Variants in PAK5 observed in about 807,000 individuals in gnomAD.
PAK5 encodes p21 (RAC1) activated kinase 5, also known as serine/threonine-protein kinase PAK 5.
In PAK5, 16 loss-of-function variants were observed where a neutral mutation model predicts 65.9. The ratio of observed to expected loss-of-function variants is 0.24; its 90% CI spans 0.16 to 0.37. The LOEUF (loss-of-function observed/expected upper bound fraction) is 0.37, where lower values mean the gene tolerates loss of function less well. Among genes scored for constraint, PAK5 ranks in the 10% least tolerant of loss-of-function variants. The probability of loss-of-function intolerance (pLI) is 1.00; values close to 1 mark genes in which losing one functional copy is unlikely to be tolerated. For synonymous variants in PAK5, 371 were observed against 354.9 expected (o/e 1.05, Z -0.51); for missense variants, 785 against 903.9 (o/e 0.87, Z 1.69).
chr20:9,768,208 A>C (rs1185217230), intron 1 of PAK5, among the ~76,000 whole-genome samples: 1 of 151,782 alleles, frequency 6.6e-6, no homozygotes, highest in Non-Finnish European at 1.5e-5. Context: ...TTTTAATCTA[A>C]TTTCAACTTT....
chr20:9,757,009 T>C (rs1478287694), intron 1 of PAK5, among the ~76,000 whole-genome samples: 2 of 152,196 alleles, frequency 1.3e-5, no homozygotes, highest in Non-Finnish European at 1.5e-5. Context: ...TTCAGGGGCA[T>C]GTTCTACAAT....
At chr20:9,556,262 C>T (rs915496178) in intron 7 of PAK5, among the ~76,000 whole-genome samples, 2 of 152,192 alleles carry the variant, frequency 1.3e-5, no homozygotes, top group African/African-American at 4.8e-5. Flanking sequence ...ATTGTGTATA[C>T]ATGTACATGG....
chr20:9,767,328 TC>T (rs2048779909), intron 1 of PAK5, among the ~76,000 whole-genome samples: 1 of 152,204 alleles, frequency 6.6e-6, no homozygotes, highest in East Asian at 1.9e-4. Flanking sequence ...GAACTTATCC[TC>T]ATCATTCTAT....
chr20:9,652,223 G>T (rs542810863), intron 2 of PAK5, among the ~76,000 whole-genome samples: 1 of 152,130 alleles, frequency 6.6e-6, no homozygotes, highest in Non-Finnish European at 1.5e-5. Context: ...TTACAGAGGG[G>T]ATGGCACCAA....
intron 7 of PAK5, among the ~76,000 whole-genome samples, chr20:9,553,076 C>T (rs189040512): frequency 1.5e-3 from 230 of 152,214 alleles, no homozygotes; most frequent in African/African-American, 5.1e-3. Flanking sequence ...TTGCAACGTG[C>T]ACCCGTCTCT....
In PAK5 at chr20:9,580,595, G is replaced by C. The variant is rs1370846061; in HGVS notation, c.540C>G (p.Ala180=). Residue 180 remains alanine (A), a synonymous_variant, in exon 4 of 10, where the codon GCC becomes GCG. Transcript: ENST00000353224. ...TCAAAGGCTTCACCTCAGAATAGTA[G>C]GCCTCCCCGTGCTTCATTTTCATTA... is the stretch of plus-strand genomic sequence containing the variant. ...GHVMKMKHGE[A]YYSEVKPLKS... 2 of 1,614,040 alleles carry C rather than the reference G, an allele frequency of 1.2e-6. 1 individual carries two copies.
intron 1 of PAK5, among the ~76,000 whole-genome samples, chr20:9,804,474 A>G (rs2123742250): frequency 6.6e-6 from 1 of 152,298 alleles, no homozygotes; most frequent in South Asian, 2.1e-4. Context: ...AAAAAATCAT[A>G]TTTTCAACAA....
intron 4 of PAK5, among the ~76,000 whole-genome samples, chr20:9,574,326 C>T (rs569164123): frequency 9.7e-4 from 147 of 152,280 alleles, no homozygotes; most frequent in Admixed American, 2.0e-3. Context: ...GTCAGGCATA[C>T]GGGTATTCCA....
intron 2 of PAK5, among the ~76,000 whole-genome samples, chr20:9,663,469 C>T (rs1476183808): frequency 6.6e-6 from 1 of 152,134 alleles, no homozygotes; most frequent in Non-Finnish European, 1.5e-5. Context: ...AAATTCAAAT[C>T]TTTGAAAAAT....
intron 2 of PAK5, among the ~76,000 whole-genome samples, chr20:9,686,527 G>A (rs76814362): frequency 0.011 from 1,705 of 152,202 alleles, 12 homozygotes; most frequent in Non-Finnish European, 0.018. Flanking sequence ...AAACTGCTGG[G>A]ATTACAGGTG....
At chr20:9,617,215 G>A (rs1459528182) in intron 3 of PAK5, among the ~76,000 whole-genome samples, 2 of 152,168 alleles carry the variant, frequency 1.3e-5, no homozygotes, top group African/African-American at 4.8e-5. Flanking sequence ...TGATGTGTGA[G>A]CTGTACGAAC....
intron 2 of PAK5, among the ~76,000 whole-genome samples, chr20:9,672,674 G>A (rs1380737166): frequency 4.6e-5 from 7 of 152,170 alleles, no homozygotes; most frequent in Middle Eastern, 3.4e-3. Flanking sequence ...ACCCAGTCTC[G>A]CGTATGTCTT....
At chr20:9,776,669 G>A (rs1027022942) in intron 1 of PAK5, among the ~76,000 whole-genome samples, 2 of 152,116 alleles carry the variant, frequency 1.3e-5, no homozygotes, top group Admixed American at 1.3e-4. Context: ...CCTATGGAGA[G>A]GCCCATGAAG....
chr20:9,697,149 G>C (rs2123450131), intron 2 of PAK5, among the ~76,000 whole-genome samples: 1 of 152,144 alleles, frequency 6.6e-6, no homozygotes, highest in East Asian at 1.9e-4. Flanking sequence ...CATTCATTTA[G>C]AGAAGGTGCA....
intron 3 of PAK5, among the ~76,000 whole-genome samples, chr20:9,610,086 G>T (rs1018814161): frequency 5.3e-5 from 8 of 152,040 alleles, no homozygotes; most frequent in Non-Finnish European, 1.2e-4. Context: ...CTGGTGTGAA[G>T]ATAGATAAAA....
intron 3 of PAK5, among the ~76,000 whole-genome samples, chr20:9,643,528 T>C (rs1223347966): frequency 6.6e-6 from 1 of 152,170 alleles, no homozygotes; most frequent in Non-Finnish European, 1.5e-5. Flanking sequence ...TTGAAATAGC[T>C]CTCTTTTAGG....
chr20:9,543,823 T>G (rs947729329), intron 8 of PAK5, among the ~76,000 whole-genome samples: 1 of 152,050 alleles, frequency 6.6e-6, no homozygotes, highest in Non-Finnish European at 1.5e-5. Context: ...AGATTAAGAG[T>G]GATTGTTTTC....
chr20:9,585,391 T>C (rs2046051303), intron 3 of PAK5, among the ~76,000 whole-genome samples: 1 of 152,216 alleles, frequency 6.6e-6, no homozygotes, highest in Non-Finnish European at 1.5e-5. Context: ...TCTCCCAGTC[T>C]AGGTCTCTTT....
chr20:9,600,142 G>GT (rs2046336133), intron 3 of PAK5, among the ~76,000 whole-genome samples: 1 of 152,120 alleles, frequency 6.6e-6, no homozygotes, highest in Non-Finnish European at 1.5e-5. Flanking sequence ...TTGCCTTGTG[G>GT]AAAAGCATCT....
Sources: allele counts gnomAD v4.1 joint callset (sites outside exome capture counted in the v4.1 genomes callset), GRCh38; gene constraint gnomAD v4.1.1; transcripts MANE v1.5; gene names NCBI Gene and HGNC (gene_info 2026-07-23, HGNC 2026-07-21).